Variants in BCO2 observed in about 807,000 individuals in gnomAD.
The protein encoded by BCO2 is carotenoid-cleaving dioxygenase, mitochondrial.
A neutral mutation model predicts 65.8 loss-of-function variants in BCO2; 56 were observed. The observed-to-expected ratio is 0.85, with a 90% CI of 0.69 to 1.06. BCO2 has a LOEUF of 1.06. Ranked by LOEUF, BCO2 falls within the 50% of genes least tolerant of loss-of-function variation. The probability of loss-of-function intolerance (pLI) is 0.00; values close to 1 mark genes in which losing one functional copy is unlikely to be tolerated. For missense variants in BCO2, 675 were observed against 698.5 expected (o/e 0.97, Z 0.38); for synonymous variants, 233 against 242.3 (o/e 0.96, Z 0.36).
chr11:112,194,152 A>C, intron 4 of BCO2, 158 bp downstream of exon 4: 1 of 584,836 alleles, frequency 1.7e-6, no homozygotes, highest in East Asian at 2.9e-5. Flanking sequence ...CTCTGGCCTG[A>C]TGGCCTCTGG....
chr11:112,190,688 C>A (rs1446869391), intron 2 of BCO2, among the ~76,000 whole-genome samples: 2 of 151,714 alleles, frequency 1.3e-5, no homozygotes, highest in Non-Finnish European at 2.9e-5. Context: ...AACCCCGTAT[C>A]TACTAAAAAT....
At chr11:112,184,274 A>G (rs2135353253) in intron 2 of BCO2, among the ~76,000 whole-genome samples, 1 of 149,230 alleles carries the variant, frequency 6.7e-6, no homozygotes, top group South Asian at 2.1e-4. Context: ...TTTTTTTGAG[A>G]CAGAGTCTCG....
chr11:112,214,889 G>C lies in BCO2; in HGVS notation c.1460G>C (p.Arg487Pro). 6.2e-7 allele frequency: 1 copy of C among 1,614,102 alleles called. No homozygotes were observed. The change falls in exon 10 of 12, where the codon CGG becomes CCG. Residue 487 changes from arginine (R) to proline (P), a missense_variant. Arg to Pro is a moderately radical substitution (Grantham distance 103). Transcript: ENST00000357685. ...CATTTCTTTTATGGCTGTGGCTTTC[G>C]GCATTTAGTGGGGGATTCTCTGATC... The part of the protein sequence containing the change: ...KYHFFYGCGF[R>P]HLVGDSLIKV...
chr11:112,192,420 A>G (rs980440067), intron 2 of BCO2, among the ~76,000 whole-genome samples: 21 of 152,178 alleles, frequency 1.4e-4, no homozygotes, highest in African/African-American at 5.1e-4. Context: ...AGAAGAGACC[A>G]TATAATAAAC....
At chr11:112,191,709 A>G (rs1867396506) in intron 2 of BCO2, among the ~76,000 whole-genome samples, 2 of 152,166 alleles carry the variant, frequency 1.3e-5, no homozygotes, top group African/African-American at 4.8e-5. Context: ...GCCCTACCAG[A>G]TATTAAAATA....
In BCO2 at chr11:112,193,975, C is replaced by T; in HGVS notation, c.614C>T (p.Thr205Ile). 1 of 1,598,296 alleles carries T rather than the reference C, an allele frequency of 6.3e-7. No individual in the cohort carries two copies. Among genetic ancestry groups the T allele is most frequent in the Non-Finnish European group, 8.6e-7 (1 of 1,165,872 alleles). The stretch of plus-strand genomic sequence containing the variant: ...TTTATGAATAAAGTGGACATTGAAA[C>T]TCTGGAAAAAACAGAAAAGGTAAAG... ...TNFMNKVDIE[T>I]LEKTEKVDWS... Residue 205 changes from threonine (T) to isoleucine (I), a missense_variant, in exon 4 of 12, where the codon ACT becomes ATT. Physicochemically the swap from Thr to Ile is moderately conservative, Grantham distance 89. Transcript: ENST00000357685.
intron 5 of BCO2, among the ~76,000 whole-genome samples, chr11:112,195,441 T>G (rs902552007): frequency 6.7e-6 from 1 of 148,430 alleles, no homozygotes; most frequent in South Asian, 2.1e-4. Flanking sequence ...CCAATTACAC[T>G]TTTTTTTATT....
At chr11:112,190,270 C>A (rs539761855) in intron 2 of BCO2, among the ~76,000 whole-genome samples, 3 of 152,150 alleles carry the variant, frequency 2.0e-5, no homozygotes, top group African/African-American at 4.8e-5. Context: ...GACCACAGAA[C>A]AAGACCCTGT....
chr11:112,190,226 G>A (rs1181555748), intron 2 of BCO2, among the ~76,000 whole-genome samples: 2 of 152,172 alleles, frequency 1.3e-5, no homozygotes. Flanking sequence ...TGAGGATGCA[G>A]TGAGCTATGA....
At chr11:112,209,422 G>C (rs1039214516) in intron 8 of BCO2, among the ~76,000 whole-genome samples, 1 of 151,776 alleles carries the variant, frequency 6.6e-6, no homozygotes, top group African/African-American at 2.4e-5. Flanking sequence ...TTTGTGGCTT[G>C]AGAACTCATT....
intron 2 of BCO2, among the ~76,000 whole-genome samples, chr11:112,193,003 A>T (rs1313199043): frequency 1.7e-5 from 1 of 58,228 alleles, no homozygotes; most frequent in Admixed American, 2.4e-4. Context: ...TTTGAGATAG[A>T]GTCTCCCTCT....
At chr11:112,175,790 G>A in intron 1 of BCO2, 101 bp downstream of exon 1, 1 of 1,024,884 alleles carries the variant, frequency 9.8e-7, no homozygotes, top group Non-Finnish European at 1.5e-6. Flanking sequence ...AGCTTCTGAA[G>A]CTTTGTGTCC....
chr11:112,190,104 A>G (rs1867329662), intron 2 of BCO2, among the ~76,000 whole-genome samples: 1 of 151,958 alleles, frequency 6.6e-6, no homozygotes. Flanking sequence ...TGGGCAACAT[A>G]GTGAGACTCC....
At chr11:112,207,918 TA>T (rs773886363) in intron 8 of BCO2, among the ~76,000 whole-genome samples, 1 of 151,750 alleles carries the variant, frequency 6.6e-6, no homozygotes, top group Non-Finnish European at 1.5e-5. Flanking sequence ...AAATGTTGTT[TA>T]TTTTTTGCTT....
In BCO2 at chr11:112,179,385, C is replaced by T. The variant is rs138109510; in HGVS notation, c.196C>T (p.Arg66Trp). The T allele has an allele frequency of 6.8e-6, 11 of 1,614,030 alleles. No individual in the cohort carries two copies. Among genetic ancestry groups the T allele is most frequent in the Middle Eastern group, 1.6e-4 (1 of 6,084 alleles). Reference protein sequence around the residue: ...PLLTTVEEAPRGISARVWGHF... With the variant: ...PLLTTVEEAPWGISARVWGHF... ...GCTGACCACAGTGGAAGAGGCTCCA[C>T]GGGGCATCTCTGCTCGAGTCTGGGG... Residue 66 changes from arginine (R) to tryptophan (W), a missense_variant, in exon 2 of 12, where the codon CGG becomes TGG. By Grantham distance (101) the Arg-to-Trp change is moderately radical (BLOSUM62 -3). Coordinates refer to ENST00000357685, the MANE Select transcript of BCO2 (RefSeq NM_031938.7).
At chr11:112,181,176 C>CTTTA in intron 2 of BCO2, 13 of 616,274 alleles carry the variant, frequency 2.1e-5, no homozygotes, top group East Asian at 3.4e-5. Flanking sequence ...GATAGAGGAG[C>CTTTA]TTTCTTTTTT....
At chr11:112,197,111 G>T (rs1257039092) in intron 5 of BCO2, among the ~76,000 whole-genome samples, 2 of 152,298 alleles carry the variant, frequency 1.3e-5, no homozygotes, top group East Asian at 3.9e-4. Flanking sequence ...CTATAGGCAT[G>T]CACCATTGTG....
At chr11:112,215,090 C>T (rs902310097) in intron 10 of BCO2, 146 bp downstream of exon 10, 1 of 759,632 alleles carries the variant, frequency 1.3e-6, no homozygotes, top group Non-Finnish European at 2.1e-6. Flanking sequence ...ATGAAATCAT[C>T]TAAGTTAGGG....
intron 2 of BCO2, chr11:112,181,599 AT>A (rs917159795): frequency 6.6e-6 from 5 of 761,800 alleles, no homozygotes; most frequent in Non-Finnish European, 9.8e-6. Flanking sequence ...AAGAAGCAAG[AT>A]TTTTTGGTAT....
Sources: gnomAD v4.1 joint callset for allele counts (sites outside exome capture counted in the v4.1 genomes callset) on GRCh38, gnomAD v4.1.1 for gene constraint, MANE v1.5 for transcripts, NCBI Gene and HGNC (gene_info 2026-07-23, HGNC 2026-07-21) for gene names.